ASIC2: variants seen among roughly 807,000 people sequenced by gnomAD.
The protein encoded by ASIC2 is acid-sensing ion channel 2.
Under a neutral mutation model 57.3 loss-of-function variants are expected in ASIC2, and 25 were observed. That is an observed-to-expected ratio of 0.44 (90% CI 0.32 to 0.61). The LOEUF is 0.61. Ranked by LOEUF, ASIC2 falls within the 20% of genes least tolerant of loss-of-function variation. The probability of loss-of-function intolerance (pLI) is 0.06; values close to 1 mark genes in which losing one functional copy is unlikely to be tolerated. For synonymous variants in ASIC2, 319 were observed against 307.5 expected, an observed-to-expected ratio of 1.04 and a Z score of -0.39; for missense variants, 641 against 738.1, an observed-to-expected ratio of 0.87 and a Z score of 1.52.
At chr17:33,883,819 C>T (rs975626417) in intron 1 of ASIC2, among the ~76,000 whole-genome samples, 2 of 152,222 alleles carry the variant, frequency 1.3e-5, no homozygotes, top group African/African-American at 4.8e-5. Context: ...ACAACAAAAA[C>T]CAACATTCAC....
intron 1 of ASIC2, among the ~76,000 whole-genome samples, chr17:33,273,790 C>A (rs1272520907): frequency 3.3e-5 from 5 of 151,644 alleles, no homozygotes; most frequent in Admixed American, 1.3e-4. Context: ...AGATGCCAGT[C>A]CTTGAAAAGT....
intron 1 of ASIC2, among the ~76,000 whole-genome samples, chr17:33,836,726 G>A (rs141828764): frequency 1.5e-3 from 225 of 152,066 alleles, no homozygotes; most frequent in African/African-American, 5.2e-3. Context: ...GGTGGCATGC[G>A]CCTGTAATCC....
intron 1 of ASIC2, among the ~76,000 whole-genome samples, chr17:33,877,975 G>A (rs1160173525): frequency 1.3e-5 from 2 of 152,310 alleles, no homozygotes; most frequent in African/African-American, 2.4e-5. Context: ...TGCAGCCTCC[G>A]CTGCTGATAC....
At chr17:33,509,578 G>A (rs1242036610) in intron 1 of ASIC2, among the ~76,000 whole-genome samples, 2 of 152,140 alleles carry the variant, frequency 1.3e-5, no homozygotes, top group Non-Finnish European at 2.9e-5. Context: ...ACTGGCTGGC[G>A]GGGCTGCGTG....
At chr17:33,843,045 C>T (rs956734457) in intron 1 of ASIC2, among the ~76,000 whole-genome samples, 4 of 152,224 alleles carry the variant, frequency 2.6e-5, no homozygotes, top group Admixed American at 6.5e-5. Flanking sequence ...GAAAAACAAA[C>T]GGGCCCTCAG....
chr17:33,283,580 C>T (rs1483119041), intron 1 of ASIC2, among the ~76,000 whole-genome samples: 1 of 152,202 alleles, frequency 6.6e-6, no homozygotes, highest in African/African-American at 2.4e-5. Context: ...CTAAGAACAT[C>T]TTCCAGGGCA....
At chr17:33,019,874 T>C (rs1014502694) in intron 7 of ASIC2, among the ~76,000 whole-genome samples, 1 of 151,154 alleles carries the variant, frequency 6.6e-6, no homozygotes, top group Non-Finnish European at 1.5e-5. Flanking sequence ...GAGACGCACA[T>C]AGAGCAGAGA....
Position 33,118,652 on chromosome 17 carries a change from C to T in ASIC2, c.709-6585G>A, listed in dbSNP as rs958849996. ...CAAAGTGCCAGACACCAAAAATCTT[C>T]GCCTCCAAACTTCTTATTTTGCACC... On this transcript the variant is annotated intron_variant, in intron 1 of 9. Transcript: ENST00000225823. 2.4e-4 allele frequency among the ~76,000 whole-genome samples: 37 copies of T among 152,110 alleles called. 1 individual carries two copies. The highest frequency in any genetic ancestry group is 2.0e-3 in the Admixed American group (31 of 15,270).
In ASIC2 at chr17:33,491,804, T is replaced by G. The variant is rs192072507; in HGVS notation, c.556-379737A>C. On this transcript the variant is annotated intron_variant, in intron 1 of 9. Coordinates refer to the ASIC2 transcript ENST00000359872. Reference sequence around the variant, plus strand: ...TCCTCTGAGAACCTCTCTGCCATGGTCAGCCTGCTGCGCTTAAGAGGGAAA... The same window carrying G: ...TCCTCTGAGAACCTCTCTGCCATGGGCAGCCTGCTGCGCTTAAGAGGGAAA... Among the ~76,000 whole-genome samples, 315 of 152,336 alleles carry G rather than the reference T, an allele frequency of 2.1e-3. 1 individual carries two copies. Among genetic ancestry groups the G allele is most frequent in the Middle Eastern group, 0.014 (4 of 294 alleles).
intron 1 of ASIC2, among the ~76,000 whole-genome samples, chr17:33,381,366 C>T (rs929266585): frequency 1.2e-4 from 18 of 152,200 alleles, no homozygotes; most frequent in Admixed American, 2.6e-4. Flanking sequence ...TTTGCTCAGG[C>T]GCTGCCGCCT....
At chr17:33,862,463 C>T (rs1338995206) in intron 1 of ASIC2, among the ~76,000 whole-genome samples, 2 of 152,058 alleles carry the variant, frequency 1.3e-5, no homozygotes, top group African/African-American at 2.4e-5. Context: ...AGATGTGATA[C>T]ATGTATACCA....
At chr17:33,584,140 A>G (rs947375170) in intron 1 of ASIC2, among the ~76,000 whole-genome samples, 2 of 152,246 alleles carry the variant, frequency 1.3e-5, no homozygotes, top group African/African-American at 4.8e-5. Flanking sequence ...CCTCTAGGTC[A>G]TAAACACTGG....
chr17:34,085,427 G>C (rs1047087852), intron 1 of ASIC2, among the ~76,000 whole-genome samples: 3 of 152,204 alleles, frequency 2.0e-5, no homozygotes, highest in Non-Finnish European at 1.5e-5. Context: ...ATGTGCTGCT[G>C]GATTCGGTTT....
At chr17:33,103,936 C>T (rs1472856591) in intron 2 of ASIC2, among the ~76,000 whole-genome samples, 1 of 152,106 alleles carries the variant, frequency 6.6e-6, no homozygotes, top group Non-Finnish European at 1.5e-5. Flanking sequence ...TTAACTCTTC[C>T]TCCTGGTTTT....
At chr17:33,157,123 A>G (rs1213633202) in intron 1 of ASIC2, among the ~76,000 whole-genome samples, 2 of 151,538 alleles carry the variant, frequency 1.3e-5, no homozygotes, top group Admixed American at 1.3e-4. Context: ...AGGCAAAAAA[A>G]CCCCCAGCAC....
chr17:34,149,064 A>G (rs1197335403), intron 1 of ASIC2, among the ~76,000 whole-genome samples: 1 of 152,020 alleles, frequency 6.6e-6, no homozygotes, highest in East Asian at 1.9e-4. Flanking sequence ...GAAGCAATTA[A>G]TGGCGATTTT....
intron 1 of ASIC2, among the ~76,000 whole-genome samples, chr17:33,931,794 G>C (rs913405137): frequency 5.9e-5 from 9 of 152,136 alleles, no homozygotes; most frequent in African/African-American, 2.2e-4. Flanking sequence ...CATGGGCCAG[G>C]CTCCATCAGT....
At chr17:33,028,151 GT>G in intron 4 of ASIC2, 90 bp downstream of exon 4, 1 of 1,490,656 alleles carries the variant, frequency 6.7e-7, no homozygotes, top group Non-Finnish European at 9.2e-7. Flanking sequence ...TCCCAGCGAA[GT>G]GGGTGAAGTG....
intron 1 of ASIC2, among the ~76,000 whole-genome samples, chr17:33,517,628 T>G (rs1914613720): frequency 7.4e-6 from 1 of 134,542 alleles, no homozygotes; most frequent in Admixed American, 9.1e-5. Flanking sequence ...GAGAGAGCAC[T>G]CAAGCCAGAG....
Sources: allele counts gnomAD v4.1 joint callset (sites outside exome capture counted in the v4.1 genomes callset), GRCh38; gene constraint gnomAD v4.1.1; transcripts MANE v1.5; gene names NCBI Gene and HGNC (gene_info 2026-07-23, HGNC 2026-07-21).